RIMBP2: variants seen among roughly 807,000 people sequenced by gnomAD.
RIMBP2 encodes RIMS-binding protein 2.
In RIMBP2, 48 loss-of-function variants were observed where a neutral mutation model predicts 118.6. The observed-to-expected ratio is 0.40, with a 90% CI of 0.32 to 0.51. The LOEUF is 0.51. Among genes scored for constraint, RIMBP2 ranks in the 20% least tolerant of loss-of-function variants. The probability of loss-of-function intolerance (pLI) is 0.41; values close to 1 mark genes in which losing one functional copy is unlikely to be tolerated. For synonymous variants in RIMBP2, 762 were observed against 742.9 expected (o/e 1.03, Z -0.42); for missense variants, 1,551 against 1,768.3 (o/e 0.88, Z 2.20).
Position 130,437,034 on chromosome 12 carries a change from C to T in RIMBP2, c.1914G>A (p.Met638Ile). The T allele has an allele frequency of 1.3e-6, 2 of 1,579,884 alleles. No individual in the cohort carries two copies. Among genetic ancestry groups the T allele is most frequent in the East Asian group, 2.3e-5 (1 of 44,294 alleles). ...CACGGCTCTGCTCCCAGGCCTCATC[C>T]ATCCTGGCGTGGGGACCCAGGTGCT... ...KDEHLGPHAR[M>I]DEAWEQSRAP... The change falls in exon 13 of 23, where the codon ATG (methionine) becomes ATA (isoleucine). Residue 638 changes from methionine to isoleucine, a missense_variant. Around this residue, in one of 5 missense-constraint regions of RIMBP2, gnomAD observed 1,038 missense variants for 1,125.1 expected, o/e 0.92. Transcript: ENST00000690449.
intron 1 of RIMBP2, chr12:130,669,164 G>A (rs1266549222): frequency 3.3e-5 from 5 of 152,422 alleles, no homozygotes; most frequent in Non-Finnish European, 5.9e-5. Flanking sequence ...ACAGGGGTGA[G>A]AGGGGACACG....
intron 1 of RIMBP2, among the ~76,000 whole-genome samples, chr12:130,644,006 G>A (rs7959105): frequency 0.87 from 132,973 of 152,172 alleles, 58,612 homozygotes; most frequent in Non-Finnish European, 0.94. Flanking sequence ...GATCCCAGGC[G>A]GCTGGCACAG....
intron 3 of RIMBP2, among the ~76,000 whole-genome samples, chr12:130,515,849 C>A (rs1021624700): frequency 6.6e-6 from 1 of 152,036 alleles, no homozygotes; most frequent in Non-Finnish European, 1.5e-5. Flanking sequence ...AGGCGTGCAC[C>A]ACCACACCTA....
intron 1 of RIMBP2, among the ~76,000 whole-genome samples, chr12:130,632,139 G>A (rs939532028): frequency 6.6e-6 from 1 of 152,290 alleles, no homozygotes; most frequent in Non-Finnish European, 1.5e-5. Flanking sequence ...TAAAAGAGAC[G>A]TTTCTAACCA....
rs772503598 is a variant in RIMBP2, at chr12:130,442,007, C to T, written c.1345G>A (p.Val449Ile). ...TGGTACTTGTACCTGGCGGCCTTGA[C>T]GATGTCGAACTCCTCCTCGTTGAGG... ...IFLNEEEFDI[V>I]KAARYKYQFF... The change falls in exon 11 of 23, where the codon GTC becomes ATC. Residue 449 changes from valine (V) to isoleucine (I), a missense_variant. Val to Ile is a conservative substitution (Grantham distance 29). This residue lies in a region of RIMBP2 where 265 missense variants were observed against 349.5 expected (regional missense o/e 0.76). Coordinates refer to ENST00000690449, the MANE Select transcript of RIMBP2 (RefSeq NM_001393629.1). The surrounding 1 kb of genome is among the most constrained non-coding windows in gnomAD (Gnocchi z 6.9). The T allele has an allele frequency of 4.3e-6, 7 of 1,614,056 alleles. No individual in the cohort carries two copies. Among genetic ancestry groups the T allele is most frequent in the East Asian group, 2.2e-5 (1 of 44,882 alleles).
intron 1 of RIMBP2, among the ~76,000 whole-genome samples, chr12:130,647,970 G>A (rs2063060741): frequency 7.8e-6 from 1 of 128,520 alleles, no homozygotes; most frequent in East Asian, 1.9e-4. Context: ...TGGGTGAGTT[G>A]GACCCCAGCT....
intron 2 of RIMBP2, among the ~76,000 whole-genome samples, chr12:130,535,638 C>T (rs1231703242): frequency 2.0e-5 from 3 of 149,726 alleles, no homozygotes; most frequent in Non-Finnish European, 4.4e-5. Flanking sequence ...TATATATACA[C>T]ATAGATATAC....
intron 17 of RIMBP2, chr12:130,414,717 G>A (rs1355970661): frequency 6.3e-6 from 1 of 159,708 alleles, no homozygotes; most frequent in Non-Finnish European, 1.4e-5. Context: ...AAAGTCCATA[G>A]AGGTGACCAA....
At chr12:130,664,419 A>G (rs74499232) in intron 1 of RIMBP2, among the ~76,000 whole-genome samples, 2 of 105,468 alleles carry the variant, frequency 1.9e-5, no homozygotes, top group African/African-American at 3.0e-5. Flanking sequence ...ACGCACACAC[A>G]CGCACACACA....
intron 5 of RIMBP2, among the ~76,000 whole-genome samples, chr12:130,473,853 C>G (rs1417152041): frequency 6.6e-6 from 1 of 152,198 alleles, no homozygotes; most frequent in African/African-American, 2.4e-5. Context: ...CAAATTCAGT[C>G]AAAGCATTAA....
At chr12:130,463,189 G>A (rs540175706) in intron 6 of RIMBP2, among the ~76,000 whole-genome samples, 2 of 152,308 alleles carry the variant, frequency 1.3e-5, no homozygotes, top group African/African-American at 2.4e-5. Flanking sequence ...TTTACACCTC[G>A]ATATTTATTT....
At chr12:130,698,731 G>A (rs894649787) in intron 1 of RIMBP2, among the ~76,000 whole-genome samples, 1 of 151,984 alleles carries the variant, frequency 6.6e-6, no homozygotes, top group African/African-American at 2.4e-5. Context: ...TTGACAAATG[G>A]GATCTAATTA....
chr12:130,647,895 C>T (rs1566425055), intron 1 of RIMBP2, among the ~76,000 whole-genome samples: 1 of 143,082 alleles, frequency 7.0e-6, no homozygotes, highest in East Asian at 1.9e-4. Context: ...CGCTAGACGC[C>T]CTGCACTAAA....
intron 2 of RIMBP2, among the ~76,000 whole-genome samples, chr12:130,545,048 A>T (rs1367191627): frequency 5.9e-5 from 9 of 152,222 alleles, no homozygotes; most frequent in Non-Finnish European, 1.3e-4. Context: ...CCATTGAACA[A>T]AATACCAAAA....
rs182055119 is a variant in RIMBP2 at position 130,664,844 on chromosome 12, T to C, written c.-351-36388A>G. On this transcript the variant is annotated intron_variant, in intron 1 of 22. Transcript: ENST00000690449. Reference sequence around the variant, plus strand: ...AAGAATCCATCAGTCCATACTGATATAAATGAACATAAATAAAGGGGGGCG... The same window carrying C: ...AAGAATCCATCAGTCCATACTGATACAAATGAACATAAATAAAGGGGGGCG... 3.8e-4 allele frequency among the ~76,000 whole-genome samples: 58 copies of C among 151,876 alleles called. 1 individual carries two copies. Among genetic ancestry groups the C allele is most frequent in the Admixed American group, 3.1e-3 (47 of 15,278 alleles).
chr12:130,489,944 T>C (rs2048467680), intron 4 of RIMBP2, among the ~76,000 whole-genome samples: 1 of 151,896 alleles, frequency 6.6e-6, no homozygotes, highest in Non-Finnish European at 1.5e-5. Flanking sequence ...GCCAACATGG[T>C]GAAACCCCGT....
intron 1 of RIMBP2, among the ~76,000 whole-genome samples, chr12:130,637,885 G>A (rs578130100): frequency 6.6e-6 from 1 of 152,300 alleles, no homozygotes; most frequent in East Asian, 1.9e-4. Context: ...TTATTAAGAA[G>A]ATAATATTCT....
At position 130,424,404 on chromosome 12, in the gene RIMBP2, G is replaced by A. The variant is rs370037499; in HGVS notation, c.2867C>T (p.Pro956Leu). The A allele has an allele frequency of 2.0e-4, 247 of 1,232,660 alleles. No homozygotes were observed. The East Asian group carries it at 2.2e-3, about 11-fold the overall frequency. The allele number at this position is 1,232,660 out of a possible 1,614,324, so 76.4% of individuals were successfully genotyped here. ...GHCPCRRGPR[P>L]LLARRRTLTR... ...CAGCGTCCGCCGCCGGGCCAGCAGC[G>A]GCCTCGGGCCCCTCCTGCAGGGACA... The change falls in exon 16 of 23, where the codon CCG becomes CTG. Residue 956 changes from proline to leucine, a missense_variant. Coordinates refer to ENST00000690449, the MANE Select transcript of RIMBP2 (RefSeq NM_001393629.1). This position sits in a 1 kb window ranked among gnomAD's most constrained non-coding sequence, Gnocchi z 9.8.
chr12:130,461,704 C>A (rs11060900), intron 6 of RIMBP2, among the ~76,000 whole-genome samples: 1 of 152,112 alleles, frequency 6.6e-6, no homozygotes, highest in Non-Finnish European at 1.5e-5. Context: ...ACAAGGTCTG[C>A]TTGTTGAAAA....
Sources: gnomAD v4.1 joint callset for allele counts (sites outside exome capture counted in the v4.1 genomes callset) on GRCh38, gnomAD v4.1.1 for gene constraint, gnomAD v4.1.1 regional missense constraint, Gnocchi (gnomAD v3.1) non-coding constraint, MANE v1.5 for transcripts, NCBI Gene and HGNC (gene_info 2026-07-23, HGNC 2026-07-21) for gene names.